CHL1: variants seen among roughly 807,000 people sequenced by gnomAD.
CHL1 encodes the protein neural cell adhesion molecule L1-like protein.
In CHL1, 96 loss-of-function variants were observed where a neutral mutation model predicts 141.9. That is an observed-to-expected ratio of 0.68 (90% confidence interval 0.57 to 0.80). CHL1 has a LOEUF of 0.80. Among genes scored for constraint, CHL1 ranks in the 30% least tolerant of loss-of-function variants. The probability of loss-of-function intolerance (pLI) is 0.00; values close to 1 mark genes in which losing one functional copy is unlikely to be tolerated. For synonymous variants in CHL1, 613 were observed against 502.2 expected (o/e 1.22, Z -2.95); for missense variants, 1,820 against 1,457.2 (o/e 1.25, Z -4.05).
intron 1 of CHL1, chr3:213,246 G>A (rs1484613983): frequency 1.3e-5 from 2 of 152,286 alleles, no homozygotes; most frequent in East Asian, 3.9e-4. Flanking sequence ...TGATTCCCAT[G>A]ATGCGTTCAC....
At chr3:322,803 C>G (rs1700704421) in intron 3 of CHL1, among the ~76,000 whole-genome samples, 1 of 150,550 alleles carries the variant, frequency 6.6e-6, no homozygotes, top group Non-Finnish European at 1.5e-5. Context: ...ATGATCATGC[C>G]ACTACATTCC....
At position 398,316 on chromosome 3, in the gene CHL1, C is replaced by A; in HGVS notation, c.3184C>A (p.Arg1062Ser). ...TGAGCCGGGAGCTGAACATATAGTT[C>A]GCCTAATGACTAAGAATTGGGGCGA... The part of the protein sequence containing the change: ...VFEPGAEHIV[R>S]LMTKNWGDND... Residue 1062 changes from arginine (R) to serine (S), a missense_variant, in exon 25 of 28, where the codon CGC (arginine) becomes AGC (serine). Physicochemically the swap from Arg to Ser is moderately radical, Grantham distance 110. Transcript: ENST00000256509. 6.2e-7 allele frequency: 1 copy of A among 1,607,406 alleles called. No homozygotes were observed. The highest frequency in any genetic ancestry group is 8.5e-7 in the Non-Finnish European group (1 of 1,174,074).
At chr3:390,597 A>G in intron 20 of CHL1, 104 bp from the exon 21 acceptor site, 1 of 673,192 alleles carries the variant, frequency 1.5e-6, no homozygotes, top group Non-Finnish European at 2.6e-6. Flanking sequence ...TGAATTTCAC[A>G]AAAGTGCTTT....
chr3:255,495 TTGTA>T (rs1325550930), intron 2 of CHL1, among the ~76,000 whole-genome samples: 3 of 114,802 alleles, frequency 2.6e-5, no homozygotes, highest in Admixed American at 8.6e-5. Context: ...TTTGGTGTCT[TTGTA>T]TGTGTGTGTG....
At chr3:356,930 A>C (rs896584973) in intron 11 of CHL1, among the ~76,000 whole-genome samples, 7 of 152,210 alleles carry the variant, frequency 4.6e-5, no homozygotes, top group Non-Finnish European at 1.0e-4. Context: ...CATTTTTACA[A>C]GGTATTTTCC....
intron 5 of CHL1, among the ~76,000 whole-genome samples, chr3:339,159 T>C (rs1337255603): frequency 6.6e-6 from 1 of 152,346 alleles, no homozygotes; most frequent in African/African-American, 2.4e-5. Flanking sequence ...CAGTGTTTAC[T>C]GGGCTTAAGT....
chr3:341,798 A>T, intron 6 of CHL1, 114 bp from the exon 7 acceptor site: 1 of 900,898 alleles, frequency 1.1e-6, no homozygotes, highest in Non-Finnish European at 1.6e-6. Flanking sequence ...GAGAGGAATT[A>T]AAGAGCAAAC....
At chr3:397,947 T>C (rs1019968932) in intron 24 of CHL1, among the ~76,000 whole-genome samples, 1 of 152,178 alleles carries the variant, frequency 6.6e-6, no homozygotes, top group African/African-American at 2.4e-5. Flanking sequence ...TTGTATAATT[T>C]TTTTAAGTCT....
chr3:361,746 G>C lies in CHL1; in HGVS notation c.1354G>C (p.Val452Leu), dbSNP rs755632489. The C allele has an allele frequency of 3.7e-6, 6 of 1,613,548 alleles. No homozygotes were observed. The East Asian group carries it at 1.1e-4, about 30-fold the overall frequency. The change falls in exon 13 of 28, where the codon GTG becomes CTG. Residue 452 changes from valine to leucine, a missense_variant. Transcript: ENST00000256509. ...CAAAGATGGAGAAAATTACGCTACAGTGGTTGGGTACAGTGCTTTCTTACA... is the reference window on the plus strand; with the variant it reads ...CAAAGATGGAGAAAATTACGCTACACTGGTTGGGTACAGTGCTTTCTTACA... ...QTKDGENYAT[V>L]VGYSAFLHCE... is the part of the protein sequence containing the mutation.
At chr3:244,174 C>T (rs1047927437) in intron 1 of CHL1, among the ~76,000 whole-genome samples, 6 of 152,148 alleles carry the variant, frequency 3.9e-5, no homozygotes, top group Admixed American at 2.0e-4. Flanking sequence ...TGCTTCCTGA[C>T]GAAGCTCTCC....
chr3:278,631 C>A (rs753352366), intron 2 of CHL1, among the ~76,000 whole-genome samples: 4 of 152,032 alleles, frequency 2.6e-5, no homozygotes, highest in Non-Finnish European at 4.4e-5. Flanking sequence ...TTTGCTTATC[C>A]GTAAAAAGGA....
At chr3:307,115 G>A (rs935789083) in intron 2 of CHL1, among the ~76,000 whole-genome samples, 7 of 152,212 alleles carry the variant, frequency 4.6e-5, no homozygotes, top group African/African-American at 1.4e-4. Context: ...CTAATTTTTG[G>A]TCATTAGGTT....
chr3:261,995 G>A (rs553161961), intron 2 of CHL1, among the ~76,000 whole-genome samples: 84 of 117,920 alleles, frequency 7.1e-4, no homozygotes, highest in Middle Eastern at 4.2e-3. Flanking sequence ...AGTACTCACA[G>A]GGCAGGATTC....
chr3:197,637 G>GT, intron 1 of CHL1: 2 of 366,578 alleles, frequency 5.5e-6, no homozygotes, highest in South Asian at 2.0e-5. Context: ...GCCCGGGGGG[G>GT]GTTCCGAAAA....
At chr3:318,984 A>G (rs1700345753) in intron 2 of CHL1, among the ~76,000 whole-genome samples, 4 of 151,692 alleles carry the variant, frequency 2.6e-5, no homozygotes, top group Admixed American at 2.0e-4. Flanking sequence ...CAGCCATATA[A>G]AGAACAAAAT....
At chr3:259,070 A>T (rs558336146) in intron 2 of CHL1, among the ~76,000 whole-genome samples, 1 of 151,100 alleles carries the variant, frequency 6.6e-6, no homozygotes, top group East Asian at 2.0e-4. Context: ...GGTAACTGGC[A>T]TTACAGGCAC....
In CHL1 at chr3:197,030, G is replaced by A. The variant is rs1007797119; in HGVS notation, c.-208G>A. The A allele has an allele frequency of 6.6e-6, 1 of 152,366 alleles. No homozygotes were observed. Among genetic ancestry groups the A allele is most frequent in the African/African-American group, 2.4e-5 (1 of 41,452 alleles). 9.4% of individuals were successfully genotyped at this position (152,366 alleles called of 1,614,324 possible). A position where few individuals can be genotyped will look rare whatever the true frequency, so the allele number is the denominator to read the frequency against. ...CGGGGGAGAAGGCGCCCGAGGGGAG[G>A]CGCCGGACAGATCGCGTTTCGGAGG... On this transcript the variant is annotated 5_prime_UTR_variant, in exon 1 of 28. Transcript: ENST00000256509.
chr3:199,499 C>G (rs562334015), intron 1 of CHL1, among the ~76,000 whole-genome samples: 1 of 152,170 alleles, frequency 6.6e-6, no homozygotes, highest in Non-Finnish European at 1.5e-5. Flanking sequence ...CTGTACACTT[C>G]GTGGGCCTAG....
At position 408,795 on chromosome 3, in the gene CHL1, C is replaced by T. The variant is rs898737799; in HGVS notation, c.*3084C>T. On this transcript the variant is annotated 3_prime_UTR_variant, in exon 28 of 28. Transcript: ENST00000256509. ...AAGTGTTTTCCACTAATTTTGCATGCGTATTTATAAGAAAAATGTGAATTT... is the reference window on the plus strand; with the variant it reads ...AAGTGTTTTCCACTAATTTTGCATGTGTATTTATAAGAAAAATGTGAATTT... 1.1e-4 allele frequency: 16 copies of T among 152,030 alleles called. No individual in the cohort carries two copies. The highest frequency in any genetic ancestry group is 2.1e-4 in the South Asian group (1 of 4,818). 9.4% of individuals were successfully genotyped at this position (152,030 alleles called of 1,614,324 possible).
Sources: allele counts gnomAD v4.1 joint callset (sites outside exome capture counted in the v4.1 genomes callset), GRCh38; gene constraint gnomAD v4.1.1; transcripts MANE v1.5; gene names NCBI Gene and HGNC (gene_info 2026-07-23, HGNC 2026-07-21).